Variants in SULF2 observed in about 807,000 individuals in gnomAD.
SULF2 encodes extracellular sulfatase Sulf-2.
Under a neutral mutation model 107.7 loss-of-function variants are expected in SULF2, and 52 were observed. The observed-to-expected ratio is 0.48, with a 90% confidence interval of 0.39 to 0.61. SULF2 has a LOEUF of 0.61. Ranked by LOEUF, SULF2 falls within the 20% of genes least tolerant of loss-of-function variation. The probability of loss-of-function intolerance (pLI) is 0.00; values close to 1 mark genes in which losing one functional copy is unlikely to be tolerated. For missense variants in SULF2, 993 were observed against 1,177.3 expected, an observed-to-expected ratio of 0.84 and a Z score of 2.29; for synonymous variants, 460 against 464.3, an observed-to-expected ratio of 0.99 and a Z score of 0.12.
chr20:47,673,114 C>T (rs185014295), intron 10 of SULF2, among the ~76,000 whole-genome samples: 4 of 152,338 alleles, frequency 2.6e-5, no homozygotes, highest in Non-Finnish European at 5.9e-5. Flanking sequence ...TCCTTCTGCT[C>T]TTCCCCAGTT....
intron 14 of SULF2, among the ~76,000 whole-genome samples, chr20:47,664,886 C>T (rs56664708): frequency 2.0e-5 from 3 of 152,352 alleles, no homozygotes; most frequent in East Asian, 1.9e-4. Flanking sequence ...GGAACATGGA[C>T]CTCAAACCAC....
chr20:47,688,496 C>A (rs567988029), intron 5 of SULF2, among the ~76,000 whole-genome samples: 1 of 152,356 alleles, frequency 6.6e-6, no homozygotes, highest in East Asian at 1.9e-4. Context: ...AAGCCGGCAC[C>A]TCTTTTAGAG....
intron 3 of SULF2, among the ~76,000 whole-genome samples, chr20:47,711,249 G>A (rs1341928401): frequency 6.6e-6 from 1 of 152,262 alleles, no homozygotes; most frequent in Non-Finnish European, 1.5e-5. Flanking sequence ...TAATGTGGCA[G>A]AGTGCCCAAA....
intron 3 of SULF2, among the ~76,000 whole-genome samples, chr20:47,718,959 G>T (rs975022626): frequency 6.6e-6 from 1 of 152,188 alleles, no homozygotes; most frequent in East Asian, 1.9e-4. Context: ...TTAATCTGTT[G>T]TCCCAAGATA....
Position 47,750,044 on chromosome 20 carries a change from C to T in SULF2, c.175+7145G>A, listed in dbSNP as rs183083683. On this transcript the variant is annotated intron_variant, in intron 2 of 20. Coordinates refer to ENST00000688720, the MANE Select transcript of SULF2 (RefSeq NM_001387048.1). ...GTCGCCAGGCTGGAGTGCAGTGGCG[C>T]GATCTCAGCTCACTGCAACCTCCGC... Among the ~76,000 whole-genome samples the T allele has an allele frequency of 3.3e-5, 5 of 152,300 alleles. No homozygotes were observed. The East Asian group carries it at 5.8e-4, about 18-fold the overall frequency.
intron 1 of SULF2, 132 bp from the exon 2 acceptor site, chr20:47,757,595 G>A: frequency 2.0e-6 from 1 of 492,920 alleles, no homozygotes; most frequent in Non-Finnish European, 3.6e-6. Flanking sequence ...ATGGCAGAGT[G>A]AAAACCGAAC....
intron 3 of SULF2, among the ~76,000 whole-genome samples, chr20:47,713,820 C>G (rs376100243): frequency 1.6e-4 from 25 of 152,070 alleles, no homozygotes; most frequent in African/African-American, 4.6e-4. Flanking sequence ...AAAATACAGT[C>G]TGCTTTCCGT....
intron 3 of SULF2, among the ~76,000 whole-genome samples, chr20:47,705,209 G>A (rs990134398): frequency 1.3e-5 from 2 of 152,208 alleles, no homozygotes; most frequent in African/African-American, 4.8e-5. Flanking sequence ...GGGTACACAG[G>A]GGAGGTGAAA....
chr20:47,720,404 C>T (rs1176311555), intron 3 of SULF2, among the ~76,000 whole-genome samples: 1 of 151,954 alleles, frequency 6.6e-6, no homozygotes, highest in African/African-American at 2.4e-5. Context: ...TACAGGTGCA[C>T]ACCACCACGC....
At chr20:47,706,208 C>T (rs183360458) in intron 3 of SULF2, among the ~76,000 whole-genome samples, 1 of 152,232 alleles carries the variant, frequency 6.6e-6, no homozygotes, top group Admixed American at 6.5e-5. Context: ...CCCTGGAGAC[C>T]AAGTGTAGTT....
intron 17 of SULF2, among the ~76,000 whole-genome samples, chr20:47,662,311 G>A (rs1430925648): frequency 2.0e-5 from 3 of 152,192 alleles, no homozygotes; most frequent in African/African-American, 7.2e-5. Flanking sequence ...GGGTTCTTGT[G>A]TAGTCTGGGA....
rs2087222466 is a variant in SULF2 at position 47,665,254 on chromosome 20, C to T, written c.1942G>A (p.Val648Ile). 6.2e-7 allele frequency: 1 copy of T among 1,614,106 alleles called. No homozygotes were observed. The highest frequency in any genetic ancestry group is 8.5e-7 in the Non-Finnish European group (1 of 1,179,958). ...CGCTTTTTCTTCAGGTGACCTCGGA[C>T]TTCCCTCAGGTTCTTAATTTTGTTC... The part of the protein sequence containing the change: ...LQNKIKNLRE[V>I]RGHLKKKRPE... The change falls in exon 14 of 21, where the codon GTC (valine) becomes ATC (isoleucine). Residue 648 changes from valine (V) to isoleucine (I), a missense_variant. Around this residue, in one of 3 missense-constraint regions of SULF2, gnomAD observed 497 missense variants for 544.1 expected, o/e 0.91. Transcript: ENST00000688720.
chr20:47,770,356 C>A (rs1048947648), intron 1 of SULF2, among the ~76,000 whole-genome samples: 2 of 152,072 alleles, frequency 1.3e-5, no homozygotes, highest in Non-Finnish European at 2.9e-5. Context: ...CCACCATGCC[C>A]AGCCCTGATG....
intron 2 of SULF2, among the ~76,000 whole-genome samples, chr20:47,750,334 T>C (rs2090134047): frequency 6.6e-6 from 1 of 152,212 alleles, no homozygotes; most frequent in South Asian, 2.1e-4. Flanking sequence ...TCCATTCTCA[T>C]AGTTTTTCAG....
chr20:47,755,225 C>T (rs2090253518), intron 2 of SULF2, among the ~76,000 whole-genome samples: 1 of 152,188 alleles, frequency 6.6e-6, no homozygotes, highest in Non-Finnish European at 1.5e-5. Flanking sequence ...GAGAAGAAAT[C>T]TCTGTATTTT....
chr20:47,766,581 G>A (rs543880081), intron 1 of SULF2, among the ~76,000 whole-genome samples: 133 of 152,348 alleles, frequency 8.7e-4, no homozygotes, highest in Non-Finnish European at 1.7e-3. Context: ...CTGAAGGCTC[G>A]TGTGTGCCAG....
intron 11 of SULF2, among the ~76,000 whole-genome samples, chr20:47,670,700 ACGGGGTGGGGGTGGGAG>A (rs2087437794): frequency 1.0e-3 from 3 of 3,014 alleles, no homozygotes; most frequent in Admixed American, 4.7e-3. Context: ...GGGTGGGAGA[ACGGGGTGGGGGTGGGAG>A]CGGGGTGGGA....
At chr20:47,745,400 A>G (rs1451988764) in intron 2 of SULF2, among the ~76,000 whole-genome samples, 4,501 of 30,496 alleles carry the variant, frequency 0.15, 664 homozygotes, top group African/African-American at 0.45. Context: ...AAAAAAAAAA[A>G]AAAAAAAAAA....
At chr20:47,786,595 A>G (rs2090935211), upstream of SULF2, 1 of 152,160 alleles carries the variant, frequency 6.6e-6, no homozygotes, top group Admixed American at 6.5e-5. Flanking sequence ...TGAAAATAGC[A>G]GCTGTTGTCC....
Sources: gnomAD v4.1 joint callset for allele counts (sites outside exome capture counted in the v4.1 genomes callset) on GRCh38, gnomAD v4.1.1 for gene constraint, gnomAD v4.1.1 regional missense constraint, MANE v1.5 for transcripts, NCBI Gene and HGNC (gene_info 2026-07-23, HGNC 2026-07-21) for gene names.